CHD4: variants seen among roughly 807,000 people sequenced by gnomAD.
The protein encoded by CHD4 is chromodomain helicase DNA binding protein 4, also known as ATP-dependent chromatin remodeler CHD4.
CHD4 carries 35 observed loss-of-function variants against 235.5 expected under a neutral mutation model. The ratio of observed to expected loss-of-function variants is 0.15; its 90% CI spans 0.11 to 0.20. The LOEUF is 0.20. Among genes scored for constraint, CHD4 ranks in the 10% least tolerant of loss-of-function variants. CHD4 has a pLI of 1.00. For synonymous variants in CHD4, 900 were observed against 850.2 expected (o/e 1.06, Z -1.02); for missense variants, 1,329 against 2,432.3 (o/e 0.55, Z 9.54).
In CHD4 at chr12:6,593,712, A is replaced by G; in HGVS notation, c.2314-96T>C. ...CCTGCTGCCCCCTCAAGCTGAGCCA[A>G]GGACTGACACACCTGCGCTGCTGCT... On this transcript the variant is annotated intron_variant, in intron 15 of 39. Coordinates refer to ENST00000544040, the MANE Select transcript of CHD4 (RefSeq NM_001273.5). This position sits in a 1 kb window ranked among gnomAD's most constrained non-coding sequence, Gnocchi z 4.9. 9.2e-7 allele frequency: 1 copy of G among 1,089,334 alleles called. No homozygotes were observed. Among genetic ancestry groups the G allele is most frequent in the Non-Finnish European group, 1.4e-6 (1 of 738,610 alleles). The allele number at this position is 1,089,334 out of a possible 1,614,324, so 67.5% of individuals were successfully genotyped here. A position where few individuals can be genotyped will look rare whatever the true frequency, so the allele number is the denominator to read the frequency against.
intron 38 of CHD4, 138 bp from the exon 39 acceptor site, chr12:6,571,170 C>A: frequency 1.0e-6 from 1 of 997,066 alleles, no homozygotes; most frequent in Non-Finnish European, 1.5e-6. Context: ...ACCTGACCTC[C>A]ACCATGTTCA....
chr12:6,600,135 T>A (rs1592281177), intron 9 of CHD4, 82 bp downstream of exon 9: 2 of 1,502,300 alleles, frequency 1.3e-6, no homozygotes, highest in East Asian at 5.2e-5. Flanking sequence ...AGCATTTCCA[T>A]TTCCATCCAG....
intron 2 of CHD4, among the ~76,000 whole-genome samples, chr12:6,604,050 G>C (rs975300280): frequency 6.6e-6 from 1 of 152,160 alleles, no homozygotes; most frequent in Admixed American, 6.5e-5. Flanking sequence ...GGCTGAGGCG[G>C]GCAGATCATT....
chr12:6,606,204 CA>C, intron 2 of CHD4, 69 bp downstream of exon 2: 1 of 1,061,914 alleles, frequency 9.4e-7, no homozygotes, highest in South Asian at 1.4e-5. Flanking sequence ...AGCCCTGCCT[CA>C]CCAGAGGAGT....
At chr12:6,584,814 G>A (rs1455115973) in intron 25 of CHD4, 2 of 152,238 alleles carry the variant, frequency 1.3e-5, no homozygotes, top group Non-Finnish European at 2.9e-5. Flanking sequence ...TCACCAGCAA[G>A]GATGATCCAC....
chr12:6,587,113 A>G (rs1460585076), intron 25 of CHD4: 2 of 434,098 alleles, frequency 4.6e-6, no homozygotes, highest in Non-Finnish European at 8.2e-6. Context: ...GTAAGGTTTA[A>G]TAAAACACAT....
At chr12:6,607,149 T>G (rs1948719161) in intron 1 of CHD4, among the ~76,000 whole-genome samples, 151 bp downstream of exon 1, 1 of 150,992 alleles carries the variant, frequency 6.6e-6, no homozygotes, top group South Asian at 2.1e-4. Flanking sequence ...CCGGGCGCCC[T>G]GCAGGGCCAG....
intron 25 of CHD4, chr12:6,587,156 A>G (rs1592270120): frequency 5.8e-6 from 3 of 518,580 alleles, no homozygotes; most frequent in South Asian, 3.1e-5. Flanking sequence ...AAGAGCCAAA[A>G]TAACTGTTGT....
intron 38 of CHD4, chr12:6,571,304 C>A (rs748495140): frequency 8.1e-6 from 3 of 369,182 alleles, no homozygotes; most frequent in African/African-American, 2.1e-5. Context: ...CGTTTTTTCT[C>A]TTCTCTACCT....
At chr12:6,600,854 G>C (rs1018974099) in intron 7 of CHD4, 72 bp downstream of exon 7, 7 of 1,524,668 alleles carry the variant, frequency 4.6e-6, no homozygotes, top group Non-Finnish European at 6.2e-6. Flanking sequence ...ATGAAGGACA[G>C]GTTCTGATAG....
At chr12:6,573,384 A>T in intron 37 of CHD4, 115 bp from the exon 38 acceptor site, 3 of 832,466 alleles carry the variant, frequency 3.6e-6, no homozygotes, top group Non-Finnish European at 5.2e-6. Context: ...ACCTATGAAG[A>T]ACTTCATGGA....
Position 6,599,866 on chromosome 12 carries a change from G to A in CHD4, c.1389C>T (p.Cys463=), listed in dbSNP as rs772239869. 6 of 1,614,108 alleles carry A rather than the reference G, an allele frequency of 3.7e-6. 1 individual carries two copies. In the South Asian group the frequency reaches 4.4e-5, roughly 12 times the overall value. The change falls in exon 10 of 40, where the codon TGC becomes TGT. Residue 463 remains cysteine, a synonymous_variant. Coordinates refer to ENST00000544040, the MANE Select transcript of CHD4 (RefSeq NM_001273.5). ...RVCKDGGELL[C]CDTCPSSYHI... is the part of the protein sequence containing the mutation. ...GGTAGGAAGAAGGACAGGTATCACAGCAGAGCAGTTCCCCACCATCCTTGC... is the reference window on the plus strand; with the variant it reads ...GGTAGGAAGAAGGACAGGTATCACAACAGAGCAGTTCCCCACCATCCTTGC...
At chr12:6,589,197 G>A (rs1411018897) in intron 22 of CHD4, among the ~76,000 whole-genome samples, 2 of 151,818 alleles carry the variant, frequency 1.3e-5, no homozygotes, top group East Asian at 1.9e-4. Flanking sequence ...AAGAAAGAAT[G>A]TCAGAATATA....
chr12:6,603,818 A>G (rs1297509182), intron 2 of CHD4, among the ~76,000 whole-genome samples: 2 of 152,166 alleles, frequency 1.3e-5, no homozygotes, highest in Non-Finnish European at 2.9e-5. Context: ...GTCAGCGCAT[A>G]CAACCTTCTC....
In CHD4 at chr12:6,573,196, G is replaced by C. The variant is rs1948009150; in HGVS notation, c.5435C>G (p.Ser1812Cys). 6.2e-7 allele frequency: 1 copy of C among 1,606,516 alleles called. No individual in the cohort carries two copies. Among genetic ancestry groups the C allele is most frequent in the Non-Finnish European group, 8.5e-7 (1 of 1,177,392 alleles). Residue 1812 changes from serine (S) to cysteine (C), a missense_variant, in exon 38 of 40, where the codon TCT becomes TGT. By Grantham distance (112) the Ser-to-Cys change is moderately radical. This residue lies in a region of CHD4 where 135 missense variants were observed against 282.3 expected (regional missense o/e 0.48). Coordinates refer to ENST00000544040, the MANE Select transcript of CHD4 (RefSeq NM_001273.5). The part of the protein sequence containing the change: ...AAYLNMSEDP[S>C]HPSMALNTRF... ...GGTGTTGAGGGCCATGGAAGGGTGA[G>C]AAGGGTCTTCTGACATGTTCAAGTA...
intron 38 of CHD4, among the ~76,000 whole-genome samples, chr12:6,572,295 G>A (rs1354057739): frequency 1.3e-5 from 2 of 150,964 alleles, no homozygotes; most frequent in African/African-American, 4.9e-5. Flanking sequence ...AAGTGGTGGC[G>A]CATGCCTGTA....
chr12:6,595,902 G>T, intron 13 of CHD4, 104 bp downstream of exon 13: 1 of 1,293,116 alleles, frequency 7.7e-7, no homozygotes, highest in South Asian at 1.5e-5. Flanking sequence ...AGGTTGCAGT[G>T]AGTCAAGATC....
chr12:6,583,103 G>A lies in CHD4; in HGVS notation c.4071C>T (p.Asp1357=), dbSNP rs1226084931. Residue 1357 remains aspartate, a synonymous_variant, in exon 27 of 40, where the codon GAC becomes GAT. Transcript: ENST00000544040. ...AATCGGACTGGTTGTCGGACTGGTC[G>A]TCCTGCCAATCTGGAGGGAGAGAGG... ...DGSQEDRDWQ[D]DQSDNQSDYS... is the part of the protein sequence containing the mutation. 11 of 1,584,756 alleles carry A rather than the reference G, an allele frequency of 6.9e-6. No individual in the cohort carries two copies. The highest frequency in any genetic ancestry group is 5.3e-5 in the Admixed American group (3 of 56,972).
chr12:6,598,576 C>T lies in CHD4; in HGVS notation c.1483-151G>A, dbSNP rs145869742. The T allele has an allele frequency of 2.5e-3, 1,582 of 632,484 alleles. 25 individuals carry two copies. In the African/African-American group the frequency reaches 0.026, roughly 11 times the overall value. The allele number at this position is 632,484 out of a possible 1,614,324, so 39.2% of individuals were successfully genotyped here. ...CTGAAATCCCAGCACCTTGGGAGGCCGAGGCGGGCAGATCACGAGGTCAAG... is the reference window on the plus strand; with the variant it reads ...CTGAAATCCCAGCACCTTGGGAGGCTGAGGCGGGCAGATCACGAGGTCAAG... On this transcript the variant is annotated intron_variant, in intron 10 of 39. Transcript: ENST00000544040.
Sources: gnomAD v4.1 joint callset for allele counts (sites outside exome capture counted in the v4.1 genomes callset) on GRCh38, gnomAD v4.1.1 for gene constraint, gnomAD v4.1.1 regional missense constraint, Gnocchi (gnomAD v3.1) non-coding constraint, MANE v1.5 for transcripts, NCBI Gene and HGNC (gene_info 2026-07-23, HGNC 2026-07-21) for gene names.